The following DHRS7B variants were observed in gnomAD, a reference collection of about 807,000 sequenced individuals.
DHRS7B encodes peroxisomal reductase activating PPAR-gamma.
Under a neutral mutation model 26.4 loss-of-function variants are expected in DHRS7B, and 24 were observed. That is an observed-to-expected ratio of 0.91 (90% CI 0.66 to 1.28). DHRS7B has a LOEUF of 1.28. Among genes scored for constraint, DHRS7B ranks in the 50% most tolerant of loss-of-function variants. The probability of loss-of-function intolerance (pLI) is 0.00; values close to 1 mark genes in which losing one functional copy is unlikely to be tolerated. For synonymous variants in DHRS7B, 142 were observed against 166.4 expected (o/e 0.85, Z 1.13); for missense variants, 368 against 419.4 (o/e 0.88, Z 1.07).
At chr17:21,187,494 C>T (rs1293023452) in intron 5 of DHRS7B, among the ~76,000 whole-genome samples, 4 of 151,716 alleles carry the variant, frequency 2.6e-5, no homozygotes, top group African/African-American at 9.7e-5. Context: ...GGCGTGGTGG[C>T]GGGTGCCTGT....
intron 2 of DHRS7B, among the ~76,000 whole-genome samples, chr17:21,172,938 G>A (rs536406399): frequency 1.3e-5 from 2 of 152,318 alleles, no homozygotes; most frequent in Admixed American, 6.5e-5. Flanking sequence ...GACTTGGCAC[G>A]TTGCACATGC....
chr17:21,174,342 C>T (rs558326244), intron 2 of DHRS7B, among the ~76,000 whole-genome samples: 1 of 152,344 alleles, frequency 6.6e-6, no homozygotes, highest in East Asian at 1.9e-4. Flanking sequence ...AGTGTGGGAC[C>T]ACTGACTAAA....
chr17:21,150,120 A>AC (rs1415390606), intron 1 of DHRS7B, among the ~76,000 whole-genome samples: 30 of 149,938 alleles, frequency 2.0e-4, no homozygotes, highest in Middle Eastern at 3.5e-3. Flanking sequence ...AAAAAAAAAA[A>AC]AAAAAAAAAA....
intron 1 of DHRS7B, among the ~76,000 whole-genome samples, chr17:21,138,066 T>TAAAAAA (rs1555536184): frequency 7.4e-4 from 26 of 35,228 alleles, no homozygotes; most frequent in Non-Finnish European, 9.1e-4. Context: ...CGGCCTCTTT[T>TAAAAAA]AAAAAAAAAA....
intron 2 of DHRS7B, among the ~76,000 whole-genome samples, chr17:21,174,893 C>T (rs1567627270): frequency 6.6e-6 from 1 of 152,186 alleles, no homozygotes; most frequent in African/African-American, 2.4e-5. Context: ...CCCCCTCATT[C>T]CTGTGGGGGC....
chr17:21,187,311 A>C (rs1282065810), intron 5 of DHRS7B, among the ~76,000 whole-genome samples: 1 of 151,548 alleles, frequency 6.6e-6, no homozygotes, highest in Non-Finnish European at 1.5e-5. Flanking sequence ...TGGGTAACAG[A>C]GAAGATGCCT....
At chr17:21,178,732 C>G (rs1974446740) in intron 3 of DHRS7B, among the ~76,000 whole-genome samples, 1 of 149,876 alleles carries the variant, frequency 6.7e-6, no homozygotes, top group African/African-American at 2.5e-5. Flanking sequence ...AATCTCGGTT[C>G]ACTGCAATCT....
chr17:21,184,515 T>C, intron 5 of DHRS7B, 52 bp downstream of exon 5: 1 of 1,526,448 alleles, frequency 6.6e-7, no homozygotes, highest in East Asian at 2.3e-5. Flanking sequence ...TTTTTCCTGA[T>C]TATAAAAATA....
chr17:21,160,289 G>T (rs564589917), intron 1 of DHRS7B, among the ~76,000 whole-genome samples: 1 of 152,076 alleles, frequency 6.6e-6, no homozygotes, highest in Non-Finnish European at 1.5e-5. Flanking sequence ...CCCAGGAGGC[G>T]GAGGTTGCAG....
chr17:21,144,993 A>G (rs980735589), intron 1 of DHRS7B, among the ~76,000 whole-genome samples: 2 of 152,058 alleles, frequency 1.3e-5, no homozygotes, highest in Admixed American at 6.6e-5. Flanking sequence ...TATACAGAGA[A>G]TTGGTAGAGA....
chr17:21,162,179 C>T (rs1974014429), intron 1 of DHRS7B, among the ~76,000 whole-genome samples: 1 of 152,016 alleles, frequency 6.6e-6, no homozygotes, highest in South Asian at 2.1e-4. Context: ...ATTATGATTT[C>T]AACCATGAGA....
At chr17:21,170,394 G>T (rs1319540088) in intron 1 of DHRS7B, among the ~76,000 whole-genome samples, 2 of 152,230 alleles carry the variant, frequency 1.3e-5, no homozygotes, top group African/African-American at 2.4e-5. Flanking sequence ...TCCTCTTGGG[G>T]CAGGGATGGT....
In DHRS7B at chr17:21,166,502, G is replaced by A. The variant is rs570024029; in HGVS notation, c.21-5516G>A. 1.2e-5 allele frequency: 12 copies of A among 981,518 alleles called. No homozygotes were observed. In the African/African-American group the frequency reaches 1.4e-4, roughly 12 times the overall value. 60.8% of individuals were successfully genotyped at this position (981,518 alleles called of 1,614,324 possible). A position where few individuals can be genotyped will look rare whatever the true frequency, so the allele number is the denominator to read the frequency against. On this transcript the variant is annotated intron_variant, in intron 1 of 6. Coordinates refer to ENST00000395511, the MANE Select transcript of DHRS7B (RefSeq NM_015510.5). ...ATATTGTTCTTTTTTTTTTCCAGTCGAAGGCGGCCTTAATGTGGCTTCTCA... is the reference window on the plus strand; with the variant it reads ...ATATTGTTCTTTTTTTTTTCCAGTCAAAGGCGGCCTTAATGTGGCTTCTCA...
At chr17:21,134,105 G>C (rs1009359903) in intron 1 of DHRS7B, among the ~76,000 whole-genome samples, 2 of 152,104 alleles carry the variant, frequency 1.3e-5, no homozygotes, top group South Asian at 2.1e-4. Context: ...TCAAACTGTA[G>C]AAAATAATAA....
chr17:21,148,932 A>G (rs1412800009), intron 1 of DHRS7B, among the ~76,000 whole-genome samples: 3 of 152,204 alleles, frequency 2.0e-5, no homozygotes, highest in Admixed American at 6.5e-5. Context: ...AGAAAACTTT[A>G]CACAACTTAA....
At chr17:21,169,598 C>T (rs539126648) in intron 1 of DHRS7B, among the ~76,000 whole-genome samples, 2 of 152,146 alleles carry the variant, frequency 1.3e-5, no homozygotes, top group Non-Finnish European at 2.9e-5. Flanking sequence ...CCTGCACTGC[C>T]GCTGTTGTGC....
intron 1 of DHRS7B, among the ~76,000 whole-genome samples, chr17:21,165,784 C>T (rs1372492478): frequency 3.3e-5 from 5 of 151,956 alleles, no homozygotes; most frequent in Admixed American, 6.5e-5. Context: ...GGTGTGGTGG[C>T]GTGCGCCTGT....
At chr17:21,161,088 G>T (rs1038193269) in intron 1 of DHRS7B, among the ~76,000 whole-genome samples, 3 of 152,164 alleles carry the variant, frequency 2.0e-5, no homozygotes, top group African/African-American at 7.2e-5. Context: ...GGATTTTTAG[G>T]GCAGTGAAAC....
intron 5 of DHRS7B, among the ~76,000 whole-genome samples, chr17:21,187,264 G>A (rs917179702): frequency 3.3e-5 from 5 of 151,710 alleles, no homozygotes; most frequent in Admixed American, 2.6e-4. Flanking sequence ...GAGGCTGCAA[G>A]GAGCTATGAT....
Sources: gnomAD v4.1 joint callset for allele counts (sites outside exome capture counted in the v4.1 genomes callset) on GRCh38, gnomAD v4.1.1 for gene constraint, MANE v1.5 for transcripts, NCBI Gene and HGNC (gene_info 2026-07-23, HGNC 2026-07-21) for gene names.